Variants in SGCZ observed in about 807,000 individuals in gnomAD.
SGCZ encodes the protein zeta-sarcoglycan.
SGCZ carries 40 observed loss-of-function variants against 41.3 expected under a neutral mutation model. The ratio of observed to expected loss-of-function variants is 0.97; its 90% CI spans 0.75 to 1.26. The LOEUF (loss-of-function observed/expected upper bound fraction) is 1.26, where lower values mean the gene tolerates loss of function less well. Ranked by LOEUF, SGCZ falls within the 50% of genes most tolerant of loss-of-function variation. SGCZ has a pLI of 0.00. For missense variants in SGCZ, 552 were observed against 369.8 expected, an observed-to-expected ratio of 1.49 and a Z score of -4.04; for synonymous variants, 206 against 137.5, an observed-to-expected ratio of 1.50 and a Z score of -3.49.
chr8:15,199,226 T>C (rs796838782), intron 1 of SGCZ, among the ~76,000 whole-genome samples: 128 of 152,314 alleles, frequency 8.4e-4, no homozygotes, highest in African/African-American at 2.7e-3. Flanking sequence ...CAAACATTTC[T>C]TGAATGACTG....
intron 3 of SGCZ, among the ~76,000 whole-genome samples, chr8:14,270,162 TG>T (rs1362906740): frequency 7.4e-6 from 1 of 134,346 alleles, no homozygotes; most frequent in Non-Finnish European, 1.8e-5. Flanking sequence ...TGAAACCCTG[TG>T]TTCTATGAAT....
intron 4 of SGCZ, among the ~76,000 whole-genome samples, chr8:14,211,546 C>A (rs1233394324): frequency 1.3e-5 from 2 of 152,156 alleles, no homozygotes; most frequent in Non-Finnish European, 2.9e-5. Context: ...AACTGACTCA[C>A]AGTTCCCCAG....
At chr8:15,221,572 C>G (rs1801603872) in intron 1 of SGCZ, among the ~76,000 whole-genome samples, 1 of 152,060 alleles carries the variant, frequency 6.6e-6, no homozygotes, top group Non-Finnish European at 1.5e-5. Flanking sequence ...GGTGACACTG[C>G]CTTCCTAGGA....
rs565140280 is a variant in SGCZ at position 15,136,440 on chromosome 8, G to T, written c.39+101145C>A. Among the ~76,000 whole-genome samples the T allele has an allele frequency of 6.0e-4, 91 of 151,858 alleles. 1 individual carries two copies. Among genetic ancestry groups the T allele is most frequent in the South Asian group, 2.1e-3 (10 of 4,776 alleles). On this transcript the variant is annotated intron_variant, in intron 1 of 7. Coordinates refer to ENST00000382080, the MANE Select transcript of SGCZ (RefSeq NM_139167.4). ...ATGACTTATTTGAGTTGACGAAGTA[G>T]GAGAGACTGTGGGGAGGTGGGTAAT...
At chr8:14,741,475 A>C (rs1049461486) in intron 1 of SGCZ, among the ~76,000 whole-genome samples, 4 of 152,046 alleles carry the variant, frequency 2.6e-5, no homozygotes, top group Non-Finnish European at 4.4e-5. Flanking sequence ...ATAAGCATTA[A>C]ATTTTTCCAA....
chr8:14,271,497 G>C (rs932765180), intron 3 of SGCZ, among the ~76,000 whole-genome samples: 1 of 152,196 alleles, frequency 6.6e-6, no homozygotes, highest in Admixed American at 6.5e-5. Flanking sequence ...ACCAACAGGA[G>C]ATATTTAGGA....
At chr8:14,503,189 C>T (rs527808520) in intron 2 of SGCZ, among the ~76,000 whole-genome samples, 1 of 152,178 alleles carries the variant, frequency 6.6e-6, no homozygotes, top group South Asian at 2.1e-4. Flanking sequence ...AGCAAACTAA[C>T]ACAAGAACAG....
chr8:14,907,100 T>C (rs1281769068), intron 1 of SGCZ, among the ~76,000 whole-genome samples: 2 of 152,200 alleles, frequency 1.3e-5, no homozygotes, highest in African/African-American at 4.8e-5. Flanking sequence ...CACTGAAATG[T>C]AAATAATTTG....
chr8:15,209,494 A>C (rs1462296240), intron 1 of SGCZ, among the ~76,000 whole-genome samples: 1 of 8,148 alleles, frequency 1.2e-4, no homozygotes, highest in East Asian at 2.9e-3. Context: ...AAAAAAAAAA[A>C]AAAAAAAAAG....
At chr8:14,304,324 T>C (rs1369783482) in intron 3 of SGCZ, among the ~76,000 whole-genome samples, 8 of 151,922 alleles carry the variant, frequency 5.3e-5, no homozygotes, top group Admixed American at 5.3e-4. Context: ...CCAGGTGTGG[T>C]GGTGCACACC....
At chr8:14,663,844 A>T (rs1447727362) in intron 1 of SGCZ, among the ~76,000 whole-genome samples, 1 of 152,160 alleles carries the variant, frequency 6.6e-6, no homozygotes, top group Non-Finnish European at 1.5e-5. Flanking sequence ...GTCACATATC[A>T]TTAGCACTTA....
intron 1 of SGCZ, among the ~76,000 whole-genome samples, chr8:15,096,517 C>T (rs1169607991): frequency 1.3e-5 from 2 of 152,064 alleles, no homozygotes; most frequent in East Asian, 3.9e-4. Flanking sequence ...TGGGCATAAA[C>T]GTATCAACCA....
chr8:14,272,531 A>G (rs1457719144), intron 3 of SGCZ, among the ~76,000 whole-genome samples: 1 of 152,188 alleles, frequency 6.6e-6, no homozygotes. Context: ...TTAATATGAC[A>G]TGACTGAACT....
At chr8:14,850,756 TCC>T in intron 1 of SGCZ, among the ~76,000 whole-genome samples, 1 of 152,210 alleles carries the variant, frequency 6.6e-6, no homozygotes, top group East Asian at 1.9e-4. Flanking sequence ...GGCGGCAGTT[TCC>T]CCACCGCTGT....
At chr8:14,295,191 C>G (rs1044350963) in intron 3 of SGCZ, among the ~76,000 whole-genome samples, 3 of 152,106 alleles carry the variant, frequency 2.0e-5, no homozygotes, top group African/African-American at 7.2e-5. Context: ...AAATGTTCTT[C>G]AACTGGTGAA....
intron 3 of SGCZ, among the ~76,000 whole-genome samples, chr8:14,243,131 C>T (rs947526414): frequency 7.2e-5 from 11 of 152,192 alleles, no homozygotes; most frequent in Admixed American, 2.6e-4. Flanking sequence ...AAAGTATTGC[C>T]TATGCAAATC....
chr8:14,765,198 C>T (rs1800002258), intron 1 of SGCZ, among the ~76,000 whole-genome samples: 1 of 152,128 alleles, frequency 6.6e-6, no homozygotes, highest in Non-Finnish European at 1.5e-5. Context: ...ACTTGATTCC[C>T]TTAATCCCTC....
chr8:14,431,225 T>C (rs1052639226), intron 2 of SGCZ, among the ~76,000 whole-genome samples: 3 of 152,132 alleles, frequency 2.0e-5, no homozygotes, highest in Non-Finnish European at 2.9e-5. Flanking sequence ...AGAGCCTACA[T>C]AGCCAAAGCA....
chr8:14,797,904 G>T (rs535111737), intron 1 of SGCZ, among the ~76,000 whole-genome samples: 2 of 152,350 alleles, frequency 1.3e-5, no homozygotes, highest in African/African-American at 4.8e-5. Flanking sequence ...TTTACACGTG[G>T]TGTTGAGACT....
Sources: allele counts gnomAD v4.1 joint callset (sites outside exome capture counted in the v4.1 genomes callset), GRCh38; gene constraint gnomAD v4.1.1; transcripts MANE v1.5; gene names NCBI Gene and HGNC (gene_info 2026-07-23, HGNC 2026-07-21).